Variants in JAK1 observed in about 807,000 individuals in gnomAD.
The protein encoded by JAK1 is tyrosine-protein kinase JAK1.
JAK1 carries 16 observed loss-of-function variants against 136.6 expected under a neutral mutation model. The ratio of observed to expected loss-of-function variants is 0.12; its 90% confidence interval spans 0.08 to 0.18. JAK1 has a LOEUF of 0.18. Among genes scored for constraint, JAK1 ranks in the 10% least tolerant of loss-of-function variants. JAK1 has a pLI of 1.00. For synonymous variants in JAK1, 492 were observed against 519.5 expected (o/e 0.95, Z 0.72); for missense variants, 859 against 1,450.1 (o/e 0.59, Z 6.62).
chr1:65,025,173 CT>C (rs1390802081), intron 2 of JAK1, among the ~76,000 whole-genome samples: 3 of 152,160 alleles, frequency 2.0e-5, no homozygotes, highest in African/African-American at 7.2e-5. Flanking sequence ...GGCAAAAAGA[CT>C]TACGGGTCCT....
intron 1 of JAK1, among the ~76,000 whole-genome samples, chr1:65,059,513 C>T (rs1394784181): frequency 1.3e-5 from 2 of 152,058 alleles, no homozygotes; most frequent in Non-Finnish European, 2.9e-5. Flanking sequence ...AATTCTATAC[C>T]TATGGTGATA....
At chr1:65,052,302 T>C (rs917438614) in intron 1 of JAK1, among the ~76,000 whole-genome samples, 1 of 151,998 alleles carries the variant, frequency 6.6e-6, no homozygotes, top group African/African-American at 2.4e-5. Flanking sequence ...ATGTCTTAAA[T>C]ATGAAAGAAA....
At chr1:65,020,829 C>A (rs999641010) in intron 2 of JAK1, among the ~76,000 whole-genome samples, 1 of 152,056 alleles carries the variant, frequency 6.6e-6, no homozygotes, top group South Asian at 2.1e-4. Flanking sequence ...GTTTAAGGAG[C>A]TCAAATGTGG....
At chr1:64,993,260 G>C (rs549045307) in intron 2 of JAK1, 1 of 152,354 alleles carries the variant, frequency 6.6e-6, no homozygotes, top group African/African-American at 2.4e-5. Flanking sequence ...TAGTGGTTAA[G>C]AGTTGGGGCA....
At chr1:64,868,052 T>C (rs1445209835) in intron 6 of JAK1, among the ~76,000 whole-genome samples, 1 of 151,602 alleles carries the variant, frequency 6.6e-6, no homozygotes, top group Non-Finnish European at 1.5e-5. Flanking sequence ...GAGAAAGACA[T>C]ACTAAAGCTA....
Position 64,867,130 on chromosome 1 carries a change from A to G in JAK1, c.726T>C (p.Asn242=). Residue 242 remains asparagine (N), a synonymous_variant, in exon 7 of 25, where the codon AAT becomes AAC. Transcript: ENST00000342505. Reference sequence around the variant, plus strand: ...ATTCCTTTAGGAAATCCTTGAAAACATTATTTATCCGCATCCTGGTGAGAA... The same window carrying G: ...ATTCCTTTAGGAAATCCTTGAAAACGTTATTTATCCGCATCCTGGTGAGAA... The part of the protein sequence containing the change: ...RNLLTRMRIN[N]VFKDFLKEFN... 6.2e-7 allele frequency: 1 copy of G among 1,613,294 alleles called. No individual in the cohort carries two copies. Among genetic ancestry groups the G allele is most frequent in the Non-Finnish European group, 8.5e-7 (1 of 1,179,310 alleles).
intron 1 of JAK1, among the ~76,000 whole-genome samples, chr1:64,895,506 C>T (rs192500969): frequency 1.3e-5 from 2 of 152,316 alleles, no homozygotes; most frequent in Admixed American, 1.3e-4. Flanking sequence ...AACAGTGAGA[C>T]ATTCCCCAGC....
At chr1:64,982,102 GCACACACACACGCACACACACGCA>G (rs1646552516) in intron 2 of JAK1, among the ~76,000 whole-genome samples, 1 of 129,544 alleles carries the variant, frequency 7.7e-6, no homozygotes, top group Non-Finnish European at 1.6e-5. Flanking sequence ...ACACACACAC[GCACACACACACGCACACACACGCA>G]CACACACACA....
intron 1 of JAK1, among the ~76,000 whole-genome samples, chr1:64,940,467 C>G (rs1437826629): frequency 1.3e-5 from 2 of 151,988 alleles, no homozygotes; most frequent in Non-Finnish European, 2.9e-5. Context: ...CAGGTGTGTG[C>G]CACCACACCT....
rs376065106 is a variant in JAK1 at position 65,029,768 on chromosome 1, T to C, written c.-78+14712A>G. ...GTGTGAGCTAAATGATGAGAACGCA[T>C]GGACACATAGAGGGGAACAAGAGAC... On this transcript the variant is annotated intron_variant, in intron 2 of 25. Coordinates refer to the JAK1 transcript ENST00000671954. Among the ~76,000 whole-genome samples the C allele has an allele frequency of 3.3e-5, 5 of 152,056 alleles. No individual in the cohort carries two copies. In the South Asian group the frequency reaches 1.0e-3, roughly 32 times the overall value.
chr1:65,013,778 A>G (rs1401517753), intron 2 of JAK1, among the ~76,000 whole-genome samples: 1 of 152,228 alleles, frequency 6.6e-6, no homozygotes, highest in South Asian at 2.1e-4. Flanking sequence ...CTAAGCATAC[A>G]TAATAAGCAT....
chr1:65,061,965 A>C (rs1647809077), intron 1 of JAK1, among the ~76,000 whole-genome samples: 1 of 152,180 alleles, frequency 6.6e-6, no homozygotes, highest in African/African-American at 2.4e-5. Flanking sequence ...ATTAGAGAAG[A>C]GGTGTCATCA....
chr1:64,847,436 G>A, intron 13 of JAK1, 96 bp downstream of exon 13: 1 of 1,447,970 alleles, frequency 6.9e-7, no homozygotes, highest in Admixed American at 2.0e-5. Context: ...AAACCACTGG[G>A]CCACAAGAAG....
chr1:64,839,322 G>A (rs1201206601), intron 20 of JAK1, among the ~76,000 whole-genome samples: 1 of 152,212 alleles, frequency 6.6e-6, no homozygotes, highest in Non-Finnish European at 1.5e-5. Context: ...AGTGGGTGGA[G>A]GTAGAGTAGG....
intron 1 of JAK1, among the ~76,000 whole-genome samples, chr1:64,925,116 G>A (rs1437673893): frequency 1.3e-5 from 2 of 152,096 alleles, no homozygotes; most frequent in Admixed American, 1.3e-4. Context: ...TTTGCTCTAG[G>A]CTGGGCGCAG....
chr1:65,042,526 G>GAAAT (rs1647144027), intron 2 of JAK1, among the ~76,000 whole-genome samples: 1 of 152,122 alleles, frequency 6.6e-6, no homozygotes, highest in Non-Finnish European at 1.5e-5. Context: ...GTGACTTGGT[G>GAAAT]AAATAACTGG....
chr1:64,848,731 A>T (rs182748794), intron 12 of JAK1, among the ~76,000 whole-genome samples: 1 of 152,356 alleles, frequency 6.6e-6, no homozygotes, highest in East Asian at 1.9e-4. Context: ...CAAAACTTGT[A>T]AACTGAAGAT....
At chr1:64,898,396 T>C (rs1204554090) in intron 1 of JAK1, among the ~76,000 whole-genome samples, 1 of 152,230 alleles carries the variant, frequency 6.6e-6, no homozygotes, top group Non-Finnish European at 1.5e-5. Context: ...CATCTATTAC[T>C]CAGCAGAGTT....
chr1:64,957,922 C>T (rs12124397), intron 1 of JAK1, among the ~76,000 whole-genome samples: 9,733 of 147,654 alleles, frequency 0.066, 416 homozygotes, highest in Admixed American at 0.15. Flanking sequence ...CCGGCCTGGG[C>T]GAAAGAGCGA....
Sources: allele counts gnomAD v4.1 joint callset (sites outside exome capture counted in the v4.1 genomes callset), GRCh38; gene constraint gnomAD v4.1.1; transcripts MANE v1.5; gene names NCBI Gene and HGNC (gene_info 2026-07-23, HGNC 2026-07-21).